DMD: variants seen among roughly 807,000 people sequenced by gnomAD.
The protein encoded by DMD is dystrophin.
Under a neutral mutation model 330.1 loss-of-function variants are expected in DMD, and 63 were observed. The ratio of observed to expected loss-of-function variants is 0.19; its 90% CI spans 0.16 to 0.24. The LOEUF is 0.24. DMD is among the 10% of genes least tolerant of loss of function. The pLI is 1.00. For missense variants in DMD, 3,344 were observed against 2,684.1 expected, an observed-to-expected ratio of 1.25 and a Z score of -5.43; for synonymous variants, 1,223 against 959.8, an observed-to-expected ratio of 1.27 and a Z score of -5.07.
intron 56 of DMD, among the ~76,000 whole-genome samples, chrX:31,505,778 C>T (rs915500909): frequency 9.0e-6 from 1 of 110,999 alleles, no homozygotes; most frequent in Non-Finnish European, 1.9e-5. Context: ...GGACTACAGG[C>T]GCGTGCCACC....
chrX:31,530,567 G>A (rs1165279039), intron 55 of DMD, among the ~76,000 whole-genome samples: 3 of 104,816 alleles, frequency 2.9e-5, no homozygotes, highest in African/African-American at 1.0e-4. Context: ...AAGTACCAGA[G>A]AACATCAAAG....
At chrX:31,758,005 TCAA>T (rs1261021809) in intron 51 of DMD, among the ~76,000 whole-genome samples, 2 of 109,959 alleles carry the variant, frequency 1.8e-5, no homozygotes. Flanking sequence ...GCGTCAGAGC[TCAA>T]CTTCTCCCTC....
In DMD at chrX:32,181,792, A is replaced by G. The variant is rs2096927921; in HGVS notation, c.6438+35124T>C. Among the ~76,000 whole-genome samples the G allele has an allele frequency of 7.2e-5, 8 of 111,587 alleles. No homozygotes were observed. In the South Asian group the frequency reaches 3.0e-3, roughly 42 times the overall value. ...TATAGTATATTTTCCATGTGAAAAC[A>G]TATTTCCAGACCAATTTCAAAAGAA... On this transcript the variant is annotated intron_variant, in intron 44 of 78. Transcript: ENST00000357033.
chrX:31,310,206 CAT>C (rs3032561), intron 62 of DMD, among the ~76,000 whole-genome samples: 2,670 of 35,973 alleles, frequency 0.074, 110 homozygotes, highest in African/African-American at 0.29. Context: ...TCTCTCTCTC[CAT>C]ATATATATAT....
chrX:31,266,759 A>C, intron 62 of DMD: 1 of 1,129,644 alleles, frequency 8.9e-7, no homozygotes, highest in South Asian at 1.9e-5. Context: ...CTCGCGCCAC[A>C]AGTGCACGGA....
At chrX:32,744,578 CTTCTT>C (rs2069734083) in intron 7 of DMD, among the ~76,000 whole-genome samples, 3 of 111,431 alleles carry the variant, frequency 2.7e-5, no homozygotes, top group Middle Eastern at 9.2e-3. Flanking sequence ...TGAAATCCAT[CTTCTT>C]TACTCCCTCC....
chrX:32,732,655 G>C (rs747496153), intron 7 of DMD, among the ~76,000 whole-genome samples: 1,803 of 110,614 alleles, frequency 0.016, 44 homozygotes, highest in African/African-American at 0.056. Flanking sequence ...TCACATCCAG[G>C]CAAACTAAGC....
At chrX:31,885,139 T>C (rs1022352116) in intron 47 of DMD, among the ~76,000 whole-genome samples, 1 of 111,211 alleles carries the variant, frequency 9.0e-6, no homozygotes, top group Non-Finnish European at 1.9e-5. Flanking sequence ...ATGAAGTACA[T>C]AACATTTTCT....
chrX:32,242,521 T>A (rs748194294), intron 43 of DMD, among the ~76,000 whole-genome samples: 2 of 112,075 alleles, frequency 1.8e-5, no homozygotes, highest in South Asian at 7.3e-4. Flanking sequence ...TGTCTATTTT[T>A]TTTCAATAAT....
chrX:32,183,497 G>A (rs1252972819), intron 44 of DMD, among the ~76,000 whole-genome samples: 1 of 106,354 alleles, frequency 9.4e-6, no homozygotes, highest in African/African-American at 3.4e-5. Flanking sequence ...TTATTGAATT[G>A]GGTTAGTACT....
intron 7 of DMD, among the ~76,000 whole-genome samples, chrX:32,786,964 T>C (rs2075405349): frequency 1.1e-5 from 1 of 89,644 alleles, no homozygotes; most frequent in Non-Finnish European, 2.2e-5. Flanking sequence ...TCAATATTAC[T>C]ATGTATGTAT....
intron 60 of DMD, among the ~76,000 whole-genome samples, chrX:31,369,584 G>A (rs984007926): frequency 1.8e-5 from 2 of 111,534 alleles, no homozygotes; most frequent in African/African-American, 6.5e-5. Flanking sequence ...CAATTAGGGA[G>A]GGAAAAATGT....
At chrX:32,099,082 G>A (rs991335316) in intron 44 of DMD, among the ~76,000 whole-genome samples, 4 of 111,563 alleles carry the variant, frequency 3.6e-5, no homozygotes, top group Non-Finnish European at 7.5e-5. Context: ...ATAAATTGAT[G>A]TTAAGAATGT....
intron 1 of DMD, chrX:33,041,796 C>T (rs1257899634): frequency 1.4e-5 from 14 of 988,139 alleles, no homozygotes; most frequent in East Asian, 1.2e-4. Flanking sequence ...TTGACCACTG[C>T]GGTGTGTTCA....
intron 9 of DMD, among the ~76,000 whole-genome samples, chrX:32,651,448 G>A (rs911764622): frequency 4.5e-5 from 5 of 111,995 alleles, no homozygotes; most frequent in East Asian, 2.8e-4. Flanking sequence ...CGGCCCTCAC[G>A]TAACTTCTTA....
At chrX:31,295,019 T>A (rs2054057436) in intron 62 of DMD, among the ~76,000 whole-genome samples, 1 of 111,449 alleles carries the variant, frequency 9.0e-6, no homozygotes, top group Non-Finnish European at 1.9e-5. Context: ...TCTTTTGAGA[T>A]GGAGTCTCAC....
At chrX:32,282,466 G>A (rs2097424001) in intron 43 of DMD, among the ~76,000 whole-genome samples, 1 of 111,795 alleles carries the variant, frequency 8.9e-6, no homozygotes, top group African/African-American at 3.3e-5. Flanking sequence ...CTATCCATAC[G>A]TTCATGGTGC....
At chrX:32,774,337 T>G (rs1351657083) in intron 7 of DMD, among the ~76,000 whole-genome samples, 2 of 112,097 alleles carry the variant, frequency 1.8e-5, no homozygotes, top group African/African-American at 6.5e-5. Flanking sequence ...CCACAGTCAA[T>G]TACACTGAAA....
intron 60 of DMD, among the ~76,000 whole-genome samples, chrX:31,364,401 G>C (rs1312965710): frequency 9.0e-6 from 1 of 111,463 alleles, no homozygotes; most frequent in African/African-American, 3.3e-5. Flanking sequence ...GTATGTTGAG[G>C]GTGTTAAGAG....
Sources: gnomAD v4.1 joint callset for allele counts (sites outside exome capture counted in the v4.1 genomes callset) on GRCh38, gnomAD v4.1.1 for gene constraint, MANE v1.5 for transcripts, NCBI Gene and HGNC (gene_info 2026-07-23, HGNC 2026-07-21) for gene names.